The following NSRP1 variants were observed in gnomAD, a reference collection of about 807,000 sequenced individuals.
The protein encoded by NSRP1 is nuclear speckle splicing regulatory protein 1.
A neutral mutation model predicts 54.7 loss-of-function variants in NSRP1; 24 were observed. The observed-to-expected ratio is 0.44, with a 90% CI of 0.32 to 0.62. The LOEUF (loss-of-function observed/expected upper bound fraction) is 0.62. Among genes scored for constraint, NSRP1 ranks in the 20% least tolerant of loss-of-function variants. The pLI is 0.06. For synonymous variants in NSRP1, 210 were observed against 213.8 expected (o/e 0.98, Z 0.15); for missense variants, 596 against 651.2 (o/e 0.92, Z 0.92).
intron 2 of NSRP1, among the ~76,000 whole-genome samples, chr17:30,152,118 A>G (rs1192432117): frequency 1.4e-5 from 2 of 145,776 alleles, no homozygotes; most frequent in African/African-American, 5.1e-5. Context: ...TTTTGATGAG[A>G]TTTGAAATAA....
At chr17:30,130,906 A>C (rs2071693674) in intron 2 of NSRP1, among the ~76,000 whole-genome samples, 1 of 152,220 alleles carries the variant, frequency 6.6e-6, no homozygotes, top group Non-Finnish European at 1.5e-5. Flanking sequence ...TTATTAATGC[A>C]TTCAACAGAT....
chr17:30,137,637 CA>C (rs2071761894), intron 2 of NSRP1, among the ~76,000 whole-genome samples: 1 of 152,186 alleles, frequency 6.6e-6, no homozygotes. Context: ...GATCAATTCT[CA>C]AAATTAACCA....
intron 2 of NSRP1, among the ~76,000 whole-genome samples, chr17:30,161,456 T>G (rs919265647): frequency 6.6e-6 from 1 of 152,242 alleles, no homozygotes; most frequent in African/African-American, 2.4e-5. Context: ...ATGCATATTT[T>G]GGGAAAATTT....
chr17:30,184,045 T>C (rs1231557699), intron 6 of NSRP1, among the ~76,000 whole-genome samples: 1 of 152,122 alleles, frequency 6.6e-6, no homozygotes, highest in Non-Finnish European at 1.5e-5. Context: ...CTACTAAAAA[T>C]ACAAAAATTA....
chr17:30,176,671 T>A (rs1486122383), intron 3 of NSRP1, among the ~76,000 whole-genome samples: 2 of 140,594 alleles, frequency 1.4e-5, no homozygotes, highest in Non-Finnish European at 3.1e-5. Context: ...GTTATTGTAG[T>A]GGTGATTATT....
chr17:30,180,231 A>T (rs997851409), intron 5 of NSRP1, among the ~76,000 whole-genome samples: 1 of 152,196 alleles, frequency 6.6e-6, no homozygotes, highest in Admixed American at 6.5e-5. Context: ...ATCTTGGCTC[A>T]CTGCAACCTC....
At chr17:30,168,813 G>C (rs1279698184) in intron 2 of NSRP1, 1 of 151,910 alleles carries the variant, frequency 6.6e-6, no homozygotes, top group East Asian at 1.9e-4. Context: ...TGTTTAAACA[G>C]GTTTTTGGCA....
At chr17:30,123,166 C>T (rs888528250) in intron 2 of NSRP1, among the ~76,000 whole-genome samples, 4 of 152,184 alleles carry the variant, frequency 2.6e-5, no homozygotes, top group Admixed American at 1.3e-4. Context: ...GTGGCACGAA[C>T]TTGGCTCACT....
intron 2 of NSRP1, among the ~76,000 whole-genome samples, chr17:30,127,555 A>T (rs575813353): frequency 1.1e-4 from 16 of 152,172 alleles, no homozygotes; most frequent in Non-Finnish European, 1.9e-4. Context: ...CTGGCACCAC[A>T]GGGATGTGCC....
intron 2 of NSRP1, among the ~76,000 whole-genome samples, chr17:30,142,506 A>G (rs2071814800): frequency 4.6e-5 from 7 of 151,898 alleles, no homozygotes; most frequent in Admixed American, 4.6e-4. Context: ...AAAAAAAAAA[A>G]AAAGTCGTAG....
chr17:30,154,915 A>C (rs1310251581), intron 2 of NSRP1, among the ~76,000 whole-genome samples: 1 of 152,182 alleles, frequency 6.6e-6, no homozygotes, highest in Non-Finnish European at 1.5e-5. Context: ...GATTAGGGAT[A>C]TTCAGCCTGT....
At chr17:30,160,623 G>A in intron 2 of NSRP1, among the ~76,000 whole-genome samples, 1 of 152,088 alleles carries the variant, frequency 6.6e-6, no homozygotes, top group Non-Finnish European at 1.5e-5. Context: ...TTGTATTTCT[G>A]TAGTGTCAGT....
intron 2 of NSRP1, among the ~76,000 whole-genome samples, chr17:30,147,815 T>G (rs1342105439): frequency 1.4e-5 from 2 of 145,016 alleles, no homozygotes; most frequent in African/African-American, 5.2e-5. Context: ...CTGACCAACT[T>G]TTTTTTTTTT....
intron 2 of NSRP1, among the ~76,000 whole-genome samples, chr17:30,158,631 A>AT (rs1184666388): frequency 3.8e-5 from 5 of 132,662 alleles, no homozygotes; most frequent in Non-Finnish European, 6.8e-5. Flanking sequence ...TTTTGTTTTG[A>AT]TTTTTTATAT....
chr17:30,180,485 G>T (rs1384371620), intron 5 of NSRP1, among the ~76,000 whole-genome samples: 1 of 152,192 alleles, frequency 6.6e-6, no homozygotes, highest in African/African-American at 2.4e-5. Flanking sequence ...AGAAAACCAA[G>T]TCTATAACAT....
At chr17:30,152,371 G>C (rs1291061923) in intron 2 of NSRP1, among the ~76,000 whole-genome samples, 1 of 150,918 alleles carries the variant, frequency 6.6e-6, no homozygotes, top group African/African-American at 2.4e-5. Flanking sequence ...GCCCGCCTCA[G>C]CCTCCCAAAG....
In NSRP1 at chr17:30,178,196, A is replaced by T. The variant is rs1905190799; in HGVS notation, c.297A>T (p.Arg99Ser). 1 of 1,594,220 alleles carries T rather than the reference A, an allele frequency of 6.3e-7. No individual in the cohort carries two copies. The highest frequency in any genetic ancestry group is 8.5e-7 in the Non-Finnish European group (1 of 1,175,362). Residue 99 changes from arginine to serine, a missense_variant, in exon 4 of 7, where the codon AGA (arginine) becomes AGT (serine). Arg to Ser is a moderately radical substitution (Grantham distance 110). Coordinates refer to ENST00000247026, the MANE Select transcript of NSRP1 (RefSeq NM_032141.4). ...CCAAATTGCTTTTGGGGAAAGACAG[A>T]AAGGTTTGTAAGCTGAAATAACAAA... ...NNPKLLLGKD[R>S]KPKYIHNLLK...
intron 2 of NSRP1, among the ~76,000 whole-genome samples, chr17:30,139,605 G>A (rs965835715): frequency 2.6e-5 from 4 of 151,856 alleles, no homozygotes; most frequent in South Asian, 2.1e-4. Flanking sequence ...TTCTAATCTG[G>A]TGTTGATTTT....
In NSRP1 at chr17:30,152,491, A is replaced by G. The variant is rs2071921811; in HGVS notation, c.115-20051A>G. On this transcript the variant is annotated intron_variant, in intron 2 of 6. Transcript: ENST00000247026. ...GCTACACAGATTTTGTCATGTGTCTAATTCAAGGTCACAAAGATTTACTTG... is the reference window on the plus strand; with the variant it reads ...GCTACACAGATTTTGTCATGTGTCTGATTCAAGGTCACAAAGATTTACTTG... Among the ~76,000 whole-genome samples the G allele has an allele frequency of 2.8e-5, 4 of 142,418 alleles. No homozygotes were observed. In the South Asian group the frequency reaches 9.0e-4, roughly 32 times the overall value. 93.4% of individuals were successfully genotyped at this position (142,418 alleles called of 152,430 possible). A position where few individuals can be genotyped will look rare whatever the true frequency, so the allele number is the denominator to read the frequency against.
Sources: gnomAD v4.1 joint callset for allele counts (sites outside exome capture counted in the v4.1 genomes callset) on GRCh38, gnomAD v4.1.1 for gene constraint, MANE v1.5 for transcripts, NCBI Gene and HGNC (gene_info 2026-07-23, HGNC 2026-07-21) for gene names.